The following NCAM2 variants were observed in gnomAD, a reference collection of about 807,000 sequenced individuals.
NCAM2 encodes neural cell adhesion molecule 2, also known as N-CAM-2.
Under a neutral mutation model 98.1 loss-of-function variants are expected in NCAM2, and 30 were observed. The ratio of observed to expected loss-of-function variants is 0.31; its 90% CI spans 0.23 to 0.41. NCAM2 has a LOEUF of 0.41. Ranked by LOEUF, NCAM2 falls within the 10% of genes least tolerant of loss-of-function variation. The pLI is 1.00. For synonymous variants in NCAM2, 368 were observed against 342.4 expected, an observed-to-expected ratio of 1.07 and a Z score of -0.83; for missense variants, 867 against 1,005.8, an observed-to-expected ratio of 0.86 and a Z score of 1.87.
chr21:21,172,332 C>T (rs1445231030), intron 1 of NCAM2, among the ~76,000 whole-genome samples: 4 of 151,988 alleles, frequency 2.6e-5, no homozygotes, highest in Non-Finnish European at 5.9e-5. Flanking sequence ...ACCTTTAAAC[C>T]ATAAAATGAA....
Position 21,410,296 on chromosome 21 carries a change from CCAAA to C in NCAM2, c.1222_1225del (p.Thr408PhefsTer12). The C allele has an allele frequency of 6.4e-7, 1 of 1,565,392 alleles. No individual in the cohort carries two copies. The highest frequency in any genetic ancestry group is 8.6e-7 in the Non-Finnish European group (1 of 1,156,360). ...CAGATGCCCCCAAGTTTATATCAAACCAAACAATTTATTACTCTTGGGAAGGAAA... is the reference window on the plus strand; with the variant it reads ...CAGATGCCCCCAAGTTTATATCAAACCAATTTATTACTCTTGGGAAGGAAA... On this transcript the variant is annotated frameshift_variant, in exon 10 of 18. Transcript: ENST00000400546. LOFTEE classifies it high-confidence loss of function.
chr21:21,060,456 A>G (rs1421485050), intron 1 of NCAM2, among the ~76,000 whole-genome samples: 1 of 152,174 alleles, frequency 6.6e-6, no homozygotes, highest in Non-Finnish European at 1.5e-5. Context: ...CTGTGGATAT[A>G]TGTTTAATTT....
intron 1 of NCAM2, among the ~76,000 whole-genome samples, chr21:21,113,126 T>C (rs1420910478): frequency 5.0e-5 from 1 of 20,088 alleles, no homozygotes; most frequent in Non-Finnish European, 8.6e-5. Context: ...AATATAGCTT[T>C]CGGGGTTCTG....
At chr21:21,397,698 G>A (rs2076541516) in intron 9 of NCAM2, among the ~76,000 whole-genome samples, 1 of 152,240 alleles carries the variant, frequency 6.6e-6, no homozygotes, top group African/African-American at 2.4e-5. Flanking sequence ...ACATGCACCA[G>A]GGAGTGCAGG....
intron 1 of NCAM2, among the ~76,000 whole-genome samples, chr21:21,051,917 T>C (rs2065116662): frequency 2.0e-5 from 3 of 152,216 alleles, no homozygotes; most frequent in South Asian, 2.1e-4. Flanking sequence ...TCCACAGTTA[T>C]TACTGTTGCT....
intron 1 of NCAM2, among the ~76,000 whole-genome samples, chr21:21,230,160 T>G (rs1418883871): frequency 6.6e-6 from 1 of 151,118 alleles, no homozygotes; most frequent in Non-Finnish European, 1.5e-5. Context: ...ATGCCATTTG[T>G]TTGCAAAAAG....
intron 1 of NCAM2, among the ~76,000 whole-genome samples, chr21:21,006,965 T>C (rs1248961560): frequency 1.3e-5 from 2 of 152,216 alleles, no homozygotes; most frequent in African/African-American, 2.4e-5. Flanking sequence ...TTAAGACTTT[T>C]ATGGTTTTTG....
intron 1 of NCAM2, among the ~76,000 whole-genome samples, chr21:21,188,903 A>G (rs2068725746): frequency 6.6e-6 from 1 of 152,224 alleles, no homozygotes; most frequent in Admixed American, 6.5e-5. Context: ...CTTTTCTTCA[A>G]GTTCAATTTG....
At chr21:21,183,507 G>C (rs1309139456) in intron 1 of NCAM2, among the ~76,000 whole-genome samples, 1 of 152,134 alleles carries the variant, frequency 6.6e-6, no homozygotes, top group Non-Finnish European at 1.5e-5. Context: ...GGGAGGTAAG[G>C]ACATGAGGAA....
intron 13 of NCAM2, among the ~76,000 whole-genome samples, chr21:21,467,252 G>T (rs551041448): frequency 6.6e-6 from 1 of 151,492 alleles, no homozygotes; most frequent in South Asian, 2.1e-4. Context: ...ATAGAGTGAA[G>T]ATTAAATTTT....
chr21:21,205,107 C>T (rs904598691), intron 1 of NCAM2, among the ~76,000 whole-genome samples: 7 of 152,140 alleles, frequency 4.6e-5, no homozygotes, highest in Non-Finnish European at 7.4e-5. Flanking sequence ...AAGAGTCTAA[C>T]GGTAAACCGT....
chr21:21,244,450 C>T (rs2826749), intron 1 of NCAM2, among the ~76,000 whole-genome samples: 74,667 of 151,812 alleles, frequency 0.49, 18,949 homozygotes, highest in South Asian at 0.58. Flanking sequence ...ATTTTGTTAT[C>T]GATAATACGA....
At chr21:21,402,442 G>C (rs2076651343) in intron 9 of NCAM2, among the ~76,000 whole-genome samples, 1 of 152,046 alleles carries the variant, frequency 6.6e-6, no homozygotes, top group Admixed American at 6.6e-5. Context: ...GTAAATTTGA[G>C]GTCAGACTGG....
At chr21:21,098,438 A>T (rs1257398439) in intron 1 of NCAM2, among the ~76,000 whole-genome samples, 1 of 151,758 alleles carries the variant, frequency 6.6e-6, no homozygotes, top group East Asian at 1.9e-4. Context: ...CACTTTTATT[A>T]TTCTTACTGA....
At chr21:21,033,071 A>G (rs2064722807) in intron 1 of NCAM2, among the ~76,000 whole-genome samples, 1 of 151,788 alleles carries the variant, frequency 6.6e-6, no homozygotes, top group South Asian at 2.1e-4. Flanking sequence ...CTGCCTCCCA[A>G]GTAGCTGTAG....
chr21:21,534,918 TAC>T (rs1474322735), intron 17 of NCAM2, among the ~76,000 whole-genome samples: 1 of 152,122 alleles, frequency 6.6e-6, no homozygotes. Flanking sequence ...GTAAGTATCT[TAC>T]AGAGTTTGAG....
At chr21:21,484,897 C>T (rs551591039) in intron 15 of NCAM2, among the ~76,000 whole-genome samples, 16 of 152,232 alleles carry the variant, frequency 1.1e-4, no homozygotes, top group East Asian at 5.8e-4. Flanking sequence ...GAAACTTAAG[C>T]CTTTGCTACA....
intron 1 of NCAM2, among the ~76,000 whole-genome samples, chr21:21,157,725 C>G (rs2067658844): frequency 6.6e-6 from 1 of 152,074 alleles, no homozygotes; most frequent in Non-Finnish European, 1.5e-5. Flanking sequence ...GCAAGACAGA[C>G]ATTTTTACTA....
At chr21:21,454,243 A>T (rs1981784445) in intron 12 of NCAM2, among the ~76,000 whole-genome samples, 1 of 143,688 alleles carries the variant, frequency 7.0e-6, no homozygotes, top group South Asian at 2.1e-4. Flanking sequence ...GAATATAATC[A>T]CAAAAATTCT....
Sources: allele counts gnomAD v4.1 joint callset (sites outside exome capture counted in the v4.1 genomes callset), GRCh38; gene constraint gnomAD v4.1.1; transcripts MANE v1.5; gene names NCBI Gene and HGNC (gene_info 2026-07-23, HGNC 2026-07-21).